STK32B: variants seen among roughly 807,000 people sequenced by gnomAD.
The protein encoded by STK32B is serine/threonine-protein kinase 32B.
Under a neutral mutation model 52.6 loss-of-function variants are expected in STK32B, and 43 were observed. The observed-to-expected ratio is 0.82, with a 90% CI of 0.64 to 1.05. The LOEUF is 1.05. Among genes scored for constraint, STK32B ranks in the 50% least tolerant of loss-of-function variants. The pLI is 0.00. For synonymous variants in STK32B, 238 were observed against 204.3 expected, an observed-to-expected ratio of 1.17 and a Z score of -1.41; for missense variants, 621 against 534.6, an observed-to-expected ratio of 1.16 and a Z score of -1.59.
At chr4:5,099,828 G>A (rs905940562) in intron 1 of STK32B, among the ~76,000 whole-genome samples, 1 of 152,044 alleles carries the variant, frequency 6.6e-6, no homozygotes, top group African/African-American at 2.4e-5. Context: ...ATGAGCTCCC[G>A]GGTTTCCAAG....
rs1274651772 is a variant in STK32B, at chr4:5,272,318, T to C, written c.261-58902T>C. ...ATGCTCGATTACATTTATTGATTTG[T>C]GTATATTGAACCAGCCTTGCATCCC... On this transcript the variant is annotated intron_variant, in intron 3 of 11. Transcript: ENST00000282908. 4.3e-3 allele frequency among the ~76,000 whole-genome samples: 643 copies of C among 148,772 alleles called. 2 individuals carry two copies. Among genetic ancestry groups the C allele is most frequent in the African/African-American group, 0.015 (585 of 39,366 alleles).
intron 3 of STK32B, among the ~76,000 whole-genome samples, chr4:5,183,836 T>G (rs1003162228): frequency 6.6e-6 from 1 of 152,220 alleles, no homozygotes; most frequent in African/African-American, 2.4e-5. Flanking sequence ...TGAACCAACC[T>G]CTGCTACCTT....
At chr4:5,344,670 C>G (rs1733327215) in intron 4 of STK32B, among the ~76,000 whole-genome samples, 1 of 149,380 alleles carries the variant, frequency 6.7e-6, no homozygotes, top group Admixed American at 6.7e-5. Flanking sequence ...CCATTTTTTT[C>G]TTTTTGGCAA....
chr4:5,191,705 G>C (rs77019816), intron 3 of STK32B, among the ~76,000 whole-genome samples: 2 of 152,078 alleles, frequency 1.3e-5, no homozygotes, highest in South Asian at 4.1e-4. Flanking sequence ...CTGCTTCGTC[G>C]GCTGAGAATT....
intron 1 of STK32B, among the ~76,000 whole-genome samples, chr4:5,133,667 T>A (rs1318492227): frequency 6.6e-6 from 1 of 152,172 alleles, no homozygotes; most frequent in Non-Finnish European, 1.5e-5. Context: ...ATAGTCTTAT[T>A]CCAAGAAAAA....
intron 5 of STK32B, among the ~76,000 whole-genome samples, chr4:5,409,715 C>T (rs1266557808): frequency 2.0e-5 from 3 of 152,116 alleles, no homozygotes; most frequent in African/African-American, 7.2e-5. Flanking sequence ...AGCGAAAGAG[C>T]TCAGTAAAGC....
At chr4:5,193,059 A>G (rs1048974319) in intron 3 of STK32B, among the ~76,000 whole-genome samples, 4 of 152,234 alleles carry the variant, frequency 2.6e-5, no homozygotes, top group Non-Finnish European at 5.9e-5. Context: ...CATGAAGAAG[A>G]GGAACCCCGG....
intron 3 of STK32B, among the ~76,000 whole-genome samples, chr4:5,310,558 A>C (rs1286080927): frequency 6.6e-6 from 1 of 152,132 alleles, no homozygotes; most frequent in Non-Finnish European, 1.5e-5. Flanking sequence ...AAGGATGTGG[A>C]GAAAAGGGAA....
chr4:5,073,207 A>G lies in STK32B; in HGVS notation c.52+21292A>G, dbSNP rs560518953. ...TCTACCACCTTGCTCTCTGTTTTCT[A>G]TTTGTTTTCTGTGTTCTTTGCTCTA... On this transcript the variant is annotated intron_variant, in intron 1 of 11. Transcript: ENST00000282908. Among the ~76,000 whole-genome samples the G allele has an allele frequency of 1.3e-3, 193 of 151,810 alleles. 1 individual carries two copies. Among genetic ancestry groups the G allele is most frequent in the Non-Finnish European group, 2.0e-3 (137 of 67,880 alleles).
At chr4:5,147,909 G>A (rs538479189) in intron 2 of STK32B, among the ~76,000 whole-genome samples, 3 of 151,978 alleles carry the variant, frequency 2.0e-5, no homozygotes, top group South Asian at 2.1e-4. Flanking sequence ...CAGGGTTATA[G>A]TAGTCTCAAA....
At chr4:5,442,594 G>T (rs932400979) in intron 6 of STK32B, among the ~76,000 whole-genome samples, 1 of 151,252 alleles carries the variant, frequency 6.6e-6, no homozygotes, top group African/African-American at 2.4e-5. Context: ...GGAGCATTTA[G>T]TCCATTTACA....
intron 1 of STK32B, among the ~76,000 whole-genome samples, chr4:5,053,885 A>G (rs1181085080): frequency 2.0e-5 from 3 of 151,972 alleles, no homozygotes; most frequent in Admixed American, 2.0e-4. Flanking sequence ...AGGCTGAGGC[A>G]GGAGAATCGC....
chr4:5,486,229 C>A (rs188109121), intron 11 of STK32B, among the ~76,000 whole-genome samples: 1 of 152,296 alleles, frequency 6.6e-6, no homozygotes, highest in Admixed American at 6.5e-5. Flanking sequence ...CCGTAGTGGG[C>A]TCCACCCAGT....
intron 11 of STK32B, among the ~76,000 whole-genome samples, chr4:5,497,122 G>A (rs1257935181): frequency 6.6e-6 from 1 of 152,050 alleles, no homozygotes; most frequent in African/African-American, 2.4e-5. Flanking sequence ...TTATAGTCAT[G>A]GTATTTTAAT....
chr4:5,101,642 A>G (rs1432577973), intron 1 of STK32B, among the ~76,000 whole-genome samples: 1 of 152,146 alleles, frequency 6.6e-6, no homozygotes, highest in Non-Finnish European at 1.5e-5. Context: ...TAGGCTTCTG[A>G]AAGAGTTTTC....
At chr4:5,143,534 G>A (rs539185103) in intron 2 of STK32B, among the ~76,000 whole-genome samples, 41 of 152,236 alleles carry the variant, frequency 2.7e-4, no homozygotes, top group Admixed American at 2.0e-3. Flanking sequence ...GGATTGTATG[G>A]GTGAAGAGTT....
the STK32B span, among the ~76,000 whole-genome samples, chr4:5,019,652 G>T: frequency 6.6e-6 from 1 of 152,198 alleles, no homozygotes; most frequent in Non-Finnish European, 1.5e-5. Flanking sequence ...AGGAGGGGCT[G>T]CCTGGAGGAG....
At chr4:5,044,090 G>A in the STK32B span, among the ~76,000 whole-genome samples, 12 of 152,066 alleles carry the variant, frequency 7.9e-5, no homozygotes, top group African/African-American at 1.4e-4. Flanking sequence ...AGCTATTCTC[G>A]GAGGCAGGTA....
chr4:5,296,391 G>C (rs1007002637), intron 3 of STK32B, among the ~76,000 whole-genome samples: 2 of 152,160 alleles, frequency 1.3e-5, no homozygotes, highest in Non-Finnish European at 2.9e-5. Flanking sequence ...TATTGTGTGG[G>C]AGTCCAAGTC....
Sources: gnomAD v4.1 joint callset for allele counts (sites outside exome capture counted in the v4.1 genomes callset) on GRCh38, gnomAD v4.1.1 for gene constraint, MANE v1.5 for transcripts, NCBI Gene and HGNC (gene_info 2026-07-23, HGNC 2026-07-21) for gene names.